Variants in SLC44A5 observed in about 807,000 individuals in gnomAD.
SLC44A5 encodes solute carrier family 44 member 5.
SLC44A5 carries 57 observed loss-of-function variants against 101.8 expected under a neutral mutation model. The observed-to-expected ratio is 0.56, with a 90% CI of 0.45 to 0.70. SLC44A5 has a LOEUF of 0.70. SLC44A5 is among the 30% of genes least tolerant of loss of function. The pLI is 0.00. For missense variants in SLC44A5, 737 were observed against 853.1 expected (o/e 0.86, Z 1.70); for synonymous variants, 281 against 290.9 (o/e 0.97, Z 0.35).
intron 2 of SLC44A5, among the ~76,000 whole-genome samples, chr1:75,410,886 G>T (rs1663231893): frequency 6.6e-6 from 1 of 152,066 alleles, no homozygotes; most frequent in African/African-American, 2.4e-5. Flanking sequence ...TGACACTAAG[G>T]CCACAAAGAA....
chr1:75,456,940 G>A lies in SLC44A5; in HGVS notation c.14-60319C>T, dbSNP rs114788443. Among the ~76,000 whole-genome samples, 1,289 of 152,236 alleles carry A rather than the reference G, an allele frequency of 8.5e-3. 25 individuals are homozygous for A. Among genetic ancestry groups the A allele is most frequent in the African/African-American group, 0.029 (1,205 of 41,536 alleles). On this transcript the variant is annotated intron_variant, in intron 2 of 23. Transcript: ENST00000370859. Reference sequence around the variant, plus strand: ...AAACTATCTACGGACATCCCCAATAGGTCCACACATTTTCTGATGGGAGAA... The same window carrying A: ...AAACTATCTACGGACATCCCCAATAAGTCCACACATTTTCTGATGGGAGAA...
chr1:75,510,517 T>C (rs1486737010), intron 2 of SLC44A5, among the ~76,000 whole-genome samples: 2 of 152,188 alleles, frequency 1.3e-5, no homozygotes, highest in African/African-American at 2.4e-5. Context: ...TCATGTACTA[T>C]AGGCTATTTG....
intron 23 of SLC44A5, among the ~76,000 whole-genome samples, chr1:75,210,266 G>T (rs957115915): frequency 1.3e-4 from 19 of 151,624 alleles, no homozygotes; most frequent in African/African-American, 4.6e-4. Context: ...TCACTATGTT[G>T]CCCAGGCTGG....
At chr1:75,345,971 A>C (rs947220282) in intron 3 of SLC44A5, among the ~76,000 whole-genome samples, 1 of 152,164 alleles carries the variant, frequency 6.6e-6, no homozygotes, top group East Asian at 1.9e-4. Flanking sequence ...GAGGTAATTC[A>C]GGAAGCATTA....
At chr1:75,607,199 G>A (rs1406435674) in intron 1 of SLC44A5, among the ~76,000 whole-genome samples, 1 of 152,040 alleles carries the variant, frequency 6.6e-6, no homozygotes, top group Non-Finnish European at 1.5e-5. Flanking sequence ...TCTTCAAATA[G>A]TAGTTGATGC....
In SLC44A5 at chr1:75,361,562, G is replaced by A. The variant is rs182381078; in HGVS notation, c.53-21932C>T. 3.2e-4 allele frequency among the ~76,000 whole-genome samples: 49 copies of A among 152,130 alleles called. No homozygotes were observed. The East Asian group carries it at 8.7e-3, about 27-fold the overall frequency. The stretch of plus-strand genomic sequence containing the variant: ...TTGAGAGTTTTTATCATAATAGGGT[G>A]TTAAATTTTGTCAAACGCTTTTGTG... On this transcript the variant is annotated intron_variant, in intron 3 of 23. Coordinates refer to ENST00000370859, the MANE Select transcript of SLC44A5 (RefSeq NM_001130058.2).
At chr1:75,678,785 A>C in the SLC44A5 span, among the ~76,000 whole-genome samples, 1 of 152,158 alleles carries the variant, frequency 6.6e-6, no homozygotes, top group African/African-American at 2.4e-5. Flanking sequence ...GAGCTGAGAG[A>C]AGAAGGCTTC....
At chr1:75,356,526 AG>A (rs1659091601) in intron 3 of SLC44A5, among the ~76,000 whole-genome samples, 3 of 152,096 alleles carry the variant, frequency 2.0e-5, no homozygotes, top group African/African-American at 7.2e-5. Context: ...AGACTCAAAA[AG>A]CTTAAATGAT....
At chr1:75,603,864 G>T (rs574172494) in intron 1 of SLC44A5, among the ~76,000 whole-genome samples, 1 of 142,172 alleles carries the variant, frequency 7.0e-6, no homozygotes, top group African/African-American at 2.6e-5. Flanking sequence ...TGGGGTTATT[G>T]GTGTTTTACT....
the SLC44A5 span, among the ~76,000 whole-genome samples, chr1:75,676,071 A>C: frequency 9.2e-5 from 14 of 152,352 alleles, no homozygotes; most frequent in Admixed American, 2.6e-4. Flanking sequence ...GCTGCAGAGC[A>C]ATAGAAATGC....
In SLC44A5 at chr1:75,541,529, C is replaced by T; in HGVS notation, c.-69-13G>A. 1 of 1,584,446 alleles carries T rather than the reference C, an allele frequency of 6.3e-7. No individual in the cohort carries two copies. Among genetic ancestry groups the T allele is most frequent in the Admixed American group, 1.8e-5 (1 of 55,390 alleles). On this transcript the variant is annotated splice_polypyrimidine_tract_variant and intron_variant, in intron 1 of 23. Coordinates refer to ENST00000370859, the MANE Select transcript of SLC44A5 (RefSeq NM_001130058.2). ...CTTAGAAAAGAGTCTGTGATAAAAA[C>T]AAGTATGAAGATAGTTACCTAAAGC... is the stretch of plus-strand genomic sequence containing the variant.
intron 4 of SLC44A5, among the ~76,000 whole-genome samples, chr1:75,336,498 A>T (rs1657455491): frequency 6.6e-6 from 1 of 152,184 alleles, no homozygotes; most frequent in Admixed American, 6.5e-5. Flanking sequence ...CAATGTCAGC[A>T]TTATTTAAAA....
rs5775281 is a variant in SLC44A5 at position 75,318,370 on chromosome 1, TGAAAGAAAGAAAGAAAGAAAGAAAGAAA to T, written c.102-17713_102-17686del. Among the ~76,000 whole-genome samples, 126 of 130,664 alleles carry T rather than the reference TGAAAGAAAGAAAGAAAGAAAGAAAGAAA, an allele frequency of 9.6e-4. 1 individual carries two copies. Among genetic ancestry groups the T allele is most frequent in the Admixed American group, 2.1e-3 (27 of 12,632 alleles). 85.7% of individuals were successfully genotyped at this position (130,664 alleles called of 152,430 possible). On this transcript the variant is annotated intron_variant, in intron 4 of 23. Transcript: ENST00000370859. ...CCAGCCTGGGCAAAATCCCATCTCT[TGAAAGAAAGAAAGAAAGAAAGAAAGAAA>T]GAAAGAAAGAAAGAAAGAAAGAAAG...
the SLC44A5 span, among the ~76,000 whole-genome samples, chr1:75,674,538 C>T: frequency 2.0e-5 from 3 of 152,122 alleles, no homozygotes; most frequent in South Asian, 2.1e-4. Flanking sequence ...TGCCACCATG[C>T]CCAGCTAATT....
chr1:75,600,915 C>CATT (rs1471636549), intron 1 of SLC44A5, among the ~76,000 whole-genome samples: 1 of 152,058 alleles, frequency 6.6e-6, no homozygotes, highest in Non-Finnish European at 1.5e-5. Context: ...TAGAATGTAG[C>CATT]CCCATACTTA....
At chr1:75,696,727 CT>C in the SLC44A5 span, among the ~76,000 whole-genome samples, 1 of 147,170 alleles carries the variant, frequency 6.8e-6, no homozygotes, top group African/African-American at 2.4e-5. Flanking sequence ...AACCCCGTCT[CT>C]ACTAAAAATT....
chr1:75,257,113 C>T (rs550967927), intron 6 of SLC44A5, among the ~76,000 whole-genome samples: 11 of 152,284 alleles, frequency 7.2e-5, no homozygotes, highest in Admixed American at 3.9e-4. Context: ...TTATTATAAA[C>T]TCTTCATTAC....
the SLC44A5 span, among the ~76,000 whole-genome samples, chr1:75,638,480 T>C: frequency 6.6e-6 from 1 of 152,068 alleles, no homozygotes; most frequent in African/African-American, 2.4e-5. Context: ...CACTGTCCCA[T>C]GAGGATTTAT....
At chr1:75,456,353 T>C (rs143422129) in intron 2 of SLC44A5, among the ~76,000 whole-genome samples, 21 of 152,060 alleles carry the variant, frequency 1.4e-4, no homozygotes, top group African/African-American at 4.3e-4. Flanking sequence ...ACTACTAAAG[T>C]AGGGAGAAAA....
Sources: gnomAD v4.1 joint callset for allele counts (sites outside exome capture counted in the v4.1 genomes callset) on GRCh38, gnomAD v4.1.1 for gene constraint, MANE v1.5 for transcripts, NCBI Gene and HGNC (gene_info 2026-07-23, HGNC 2026-07-21) for gene names.